The following ZNF292 variants were observed in gnomAD, a reference collection of about 807,000 sequenced individuals.
The protein encoded by ZNF292 is zinc finger protein 292.
Under a neutral mutation model 217.9 loss-of-function variants are expected in ZNF292, and 26 were observed. The observed-to-expected ratio is 0.12, with a 90% confidence interval of 0.09 to 0.17. The LOEUF (loss-of-function observed/expected upper bound fraction) is 0.17. ZNF292 is among the 10% of genes least tolerant of loss of function. ZNF292 has a pLI of 1.00. For synonymous variants in ZNF292, 1,257 were observed against 1,124.1 expected, an observed-to-expected ratio of 1.12 and a Z score of -2.37; for missense variants, 2,904 against 3,175.2, an observed-to-expected ratio of 0.91 and a Z score of 2.05.
chr6:87,164,990 C>A lies in ZNF292; in HGVS notation c.168+9231C>A, dbSNP rs542147287. On this transcript the variant is annotated intron_variant, in intron 1 of 7. Coordinates refer to ENST00000369577, the MANE Select transcript of ZNF292 (RefSeq NM_015021.3). ...ATGTTGGCCAGGCTGGTCTCGAACT[C>A]CTGACCTCTTGATCCGCCCGCCTCA... is the stretch of plus-strand genomic sequence containing the variant. Among the ~76,000 whole-genome samples the A allele has an allele frequency of 1.3e-4, 19 of 151,130 alleles. 1 individual carries two copies. The South Asian group carries it at 4.0e-3, about 32-fold the overall frequency.
chr6:87,159,021 A>C (rs377708150), intron 1 of ZNF292, among the ~76,000 whole-genome samples: 1 of 152,236 alleles, frequency 6.6e-6, no homozygotes, highest in Non-Finnish European at 1.5e-5. Context: ...TTACTTTAAA[A>C]AATGAATTAG....
intron 1 of ZNF292, among the ~76,000 whole-genome samples, chr6:87,212,197 G>A (rs185669240): frequency 1.3e-5 from 2 of 152,238 alleles, no homozygotes; most frequent in East Asian, 3.9e-4. Flanking sequence ...CCTAGGGTGA[G>A]ATCTGAAAGG....
intron 1 of ZNF292, among the ~76,000 whole-genome samples, chr6:87,176,201 A>G (rs1243324914): frequency 6.6e-6 from 1 of 152,236 alleles, no homozygotes; most frequent in Non-Finnish European, 1.5e-5. Flanking sequence ...ATTTAATAAA[A>G]GTTTCACATG....
intron 5 of ZNF292, among the ~76,000 whole-genome samples, chr6:87,233,993 A>G (rs1773778560): frequency 6.6e-6 from 1 of 152,158 alleles, no homozygotes; most frequent in South Asian, 2.1e-4. Flanking sequence ...CATTTTGAGT[A>G]CGTATTTATT....
intron 1 of ZNF292, among the ~76,000 whole-genome samples, chr6:87,182,289 T>G (rs1285209922): frequency 6.6e-6 from 1 of 152,222 alleles, no homozygotes; most frequent in Non-Finnish European, 1.5e-5. Flanking sequence ...GTTAAAAGTC[T>G]ATTATATTGT....
At chr6:87,248,358 G>C (rs1481911090) in intron 7 of ZNF292, among the ~76,000 whole-genome samples, 1 of 152,188 alleles carries the variant, frequency 6.6e-6, no homozygotes, top group Non-Finnish European at 1.5e-5. Flanking sequence ...CAGGAGGAAA[G>C]AATATGAATG....
At position 87,258,134 on chromosome 6, in the gene ZNF292, C is replaced by G; in HGVS notation, c.4505C>G (p.Thr1502Arg). The G allele has an allele frequency of 6.2e-7, 1 of 1,612,326 alleles. No homozygotes were observed. The highest frequency in any genetic ancestry group is 1.3e-5 in the African/African-American group (1 of 75,002). The change falls in exon 8 of 8, where the codon ACA becomes AGA. Residue 1502 changes from threonine to arginine, a missense_variant. Around this residue, in one of 15 missense-constraint regions of ZNF292, gnomAD observed 622 missense variants for 573.1 expected, o/e 1.09. Coordinates refer to ENST00000369577, the MANE Select transcript of ZNF292 (RefSeq NM_015021.3). Reference protein sequence around the residue: ...QALETAGIPSTFEGAEMLSHV... With the variant: ...QALETAGIPSRFEGAEMLSHV... Reference sequence around the variant, plus strand: ...TTGGAAACTGCTGGCATTCCCAGTACATTTGAGGGTGCCGAAATGCTTTCT... The same window carrying G: ...TTGGAAACTGCTGGCATTCCCAGTAGATTTGAGGGTGCCGAAATGCTTTCT...
intron 1 of ZNF292, among the ~76,000 whole-genome samples, chr6:87,157,980 G>A (rs146982395): frequency 5.8e-4 from 88 of 152,286 alleles, no homozygotes; most frequent in African/African-American, 2.1e-3. Flanking sequence ...CCAAAGTGCT[G>A]GGATTACAGG....
intron 1 of ZNF292, among the ~76,000 whole-genome samples, chr6:87,187,233 A>G (rs1771692534): frequency 1.3e-5 from 2 of 152,190 alleles, no homozygotes; most frequent in Admixed American, 6.5e-5. Context: ...GTCCAGGTCA[A>G]TCATGATAAA....
At chr6:87,252,511 C>T (rs546522264) in intron 7 of ZNF292, among the ~76,000 whole-genome samples, 1 of 152,214 alleles carries the variant, frequency 6.6e-6, no homozygotes, top group African/African-American at 2.4e-5. Flanking sequence ...AATAATCACA[C>T]TGCTTCTCAG....
intron 4 of ZNF292, among the ~76,000 whole-genome samples, chr6:87,226,728 G>T (rs894196141): frequency 6.7e-6 from 1 of 150,048 alleles, no homozygotes. Flanking sequence ...CGCCCAAGCT[G>T]GAGTGCAGTG....
chr6:87,179,712 C>T (rs1216228530), intron 1 of ZNF292, among the ~76,000 whole-genome samples: 1 of 151,722 alleles, frequency 6.6e-6, no homozygotes, highest in Non-Finnish European at 1.5e-5. Context: ...TACTTTTTTT[C>T]CTGCTGTACT....
At position 87,257,877 on chromosome 6, in the gene ZNF292, T is replaced by C. The variant is rs771835954; in HGVS notation, c.4248T>C (p.Asn1416=). The change falls in exon 8 of 8, where the codon AAT becomes AAC. Residue 1416 remains asparagine (N), a synonymous_variant. Coordinates refer to ENST00000369577, the MANE Select transcript of ZNF292 (RefSeq NM_015021.3). The part of the protein sequence containing the change: ...AEIAQELLQS[N]GQPSLLASMI... ...TTGCTCAAGAACTTCTACAGAGTAA[T>C]GGACAGCCTTCTCTTCTTGCCAGCA... 26 of 1,613,794 alleles carry C rather than the reference T, an allele frequency of 1.6e-5. No individual in the cohort carries two copies. The highest frequency in any genetic ancestry group is 2.1e-5 in the Non-Finnish European group (25 of 1,179,830).
chr6:87,233,897 T>G (rs933902374), intron 5 of ZNF292, among the ~76,000 whole-genome samples: 3 of 152,218 alleles, frequency 2.0e-5, no homozygotes, highest in Non-Finnish European at 4.4e-5. Context: ...TAAGTAACTT[T>G]ATAGAATTTT....
chr6:87,218,744 GAGAC>G lies in ZNF292; in HGVS notation c.538+17_538+20del, dbSNP rs1365652555. On this transcript the variant is annotated intron_variant, in intron 4 of 7. Coordinates refer to ENST00000369577, the MANE Select transcript of ZNF292 (RefSeq NM_015021.3). ...GATAAGGATAAAGGTAAATTTTCGAGAGACAGAGAAAAAAAAGAATAATTAGACT... is the reference window on the plus strand; with the variant it reads ...GATAAGGATAAAGGTAAATTTTCGAGAGAGAAAAAAAAGAATAATTAGACT... The G allele has an allele frequency of 4.5e-6, 7 of 1,557,490 alleles. No homozygotes were observed. The highest frequency in any genetic ancestry group is 1.4e-5 in the African/African-American group (1 of 71,878).
rs370029762 is a variant in ZNF292, at chr6:87,258,044, G to T, written c.4415G>T (p.Arg1472Leu). 2 of 1,613,704 alleles carry T rather than the reference G, an allele frequency of 1.2e-6. No homozygotes were observed. The highest frequency in any genetic ancestry group is 1.7e-5 in the Admixed American group (1 of 59,938). The change falls in exon 8 of 8, where the codon CGA becomes CTA. Residue 1472 changes from arginine (R) to leucine (L), a missense_variant. Around this residue, in one of 15 missense-constraint regions of ZNF292, gnomAD observed 622 missense variants for 573.1 expected, o/e 1.09. Transcript: ENST00000369577. ...GCATTTTTACCAAATACATTTCCTCGATCTGGTGTGACTAACTTTAATACC... is the reference window on the plus strand; with the variant it reads ...GCATTTTTACCAAATACATTTCCTCTATCTGGTGTGACTAACTTTAATACC... ...SPAFLPNTFP[R>L]SGVTNFNTSV... is the part of the protein sequence containing the mutation.
At chr6:87,175,651 T>C (rs1203989859) in intron 1 of ZNF292, among the ~76,000 whole-genome samples, 1 of 152,352 alleles carries the variant, frequency 6.6e-6, no homozygotes, top group South Asian at 2.1e-4. Context: ...GAAAATGTTA[T>C]TTTAATGGTC....
In ZNF292 at chr6:87,260,453, G is replaced by A; in HGVS notation, c.6824G>A (p.Arg2275Gln). 2 of 1,613,554 alleles carry A rather than the reference G, an allele frequency of 1.2e-6. No individual in the cohort carries two copies. Among genetic ancestry groups the A allele is most frequent in the Non-Finnish European group, 1.7e-6 (2 of 1,179,700 alleles). ...TATGCAACCCGGTCGAATCTCCTCC[G>A]ACACATTTTTAATAAGCATAATGAC... ...RIYATRSNLL[R>Q]HIFNKHNDKH... The change falls in exon 8 of 8, where the codon CGA becomes CAA. Residue 2275 changes from arginine to glutamine, a missense_variant. Around this residue, in one of 15 missense-constraint regions of ZNF292, gnomAD observed 55 missense variants for 99.8 expected, o/e 0.55. Coordinates refer to ENST00000369577, the MANE Select transcript of ZNF292 (RefSeq NM_015021.3).
In ZNF292 at chr6:87,260,108, G is replaced by A; in HGVS notation, c.6479G>A (p.Ser2160Asn). The change falls in exon 8 of 8, where the codon AGT (serine) becomes AAT (asparagine). Residue 2160 changes from serine to asparagine, a missense_variant. Physicochemically the swap from Ser to Asn is conservative, Grantham distance 46. This residue lies in a region of ZNF292 where 261 missense variants were observed against 272.8 expected (regional missense o/e 0.96). Coordinates refer to ENST00000369577, the MANE Select transcript of ZNF292 (RefSeq NM_015021.3). ...GAGGAAAGTGAAGCTGGTAAAGAAA[G>A]TGAAGAAACTGAAACTAAACAAACT... ...VEEESEAGKE[S>N]EETETKQTLK... The A allele has an allele frequency of 6.2e-7, 1 of 1,613,456 alleles. No homozygotes were observed. The highest frequency in any genetic ancestry group is 8.5e-7 in the Non-Finnish European group (1 of 1,179,612).
Sources: allele counts gnomAD v4.1 joint callset (sites outside exome capture counted in the v4.1 genomes callset), GRCh38; gene constraint gnomAD v4.1.1; regional missense constraint gnomAD v4.1.1; transcripts MANE v1.5; gene names NCBI Gene and HGNC (gene_info 2026-07-23, HGNC 2026-07-21).